The following NRXN1 variants were observed in gnomAD, a reference collection of about 807,000 sequenced individuals.
NRXN1 encodes neurexin 1.
Under a neutral mutation model 150.9 loss-of-function variants are expected in NRXN1, and 39 were observed. That is an observed-to-expected ratio of 0.26 (90% CI 0.20 to 0.34). The LOEUF (loss-of-function observed/expected upper bound fraction) is 0.34. Among genes scored for constraint, NRXN1 ranks in the 10% least tolerant of loss-of-function variants. The pLI, the probability that NRXN1 is intolerant of heterozygous loss-of-function variation, is 1.00. For synonymous variants in NRXN1, 924 were observed against 757.0 expected (o/e 1.22, Z -3.62); for missense variants, 1,815 against 1,949.9 (o/e 0.93, Z 1.30).
chr2:50,469,875 G>C (rs891160393), intron 16 of NRXN1, among the ~76,000 whole-genome samples: 4 of 150,994 alleles, frequency 2.6e-5, no homozygotes, highest in African/African-American at 9.7e-5. Flanking sequence ...ATAGTTTAAT[G>C]TGTAACTAAT....
intron 21 of NRXN1, among the ~76,000 whole-genome samples, chr2:50,021,490 A>G (rs1687560164): frequency 6.6e-6 from 1 of 152,202 alleles, no homozygotes; most frequent in Non-Finnish European, 1.5e-5. Flanking sequence ...TCTTTTGAAT[A>G]TCTCCTATGG....
At chr2:50,704,524 G>C (rs892179196) in intron 5 of NRXN1, among the ~76,000 whole-genome samples, 1 of 150,822 alleles carries the variant, frequency 6.6e-6, no homozygotes, top group African/African-American at 2.4e-5. Context: ...AAATTGAATT[G>C]ATAAATAATG....
chr2:50,514,701 CT>C (rs2092573816), intron 12 of NRXN1, among the ~76,000 whole-genome samples: 1 of 152,118 alleles, frequency 6.6e-6, no homozygotes, highest in South Asian at 2.1e-4. Context: ...TTCAGTAAAG[CT>C]TCATTAAAAC....
At chr2:50,889,567 C>T (rs1297521315) in intron 5 of NRXN1, among the ~76,000 whole-genome samples, 3 of 151,750 alleles carry the variant, frequency 2.0e-5, no homozygotes, top group Non-Finnish European at 3.0e-5. Context: ...TGTGGTATAA[C>T]GTGTACATTA....
chr2:50,100,193 T>C (rs372875926), intron 18 of NRXN1, among the ~76,000 whole-genome samples: 1 of 152,290 alleles, frequency 6.6e-6, no homozygotes, highest in East Asian at 1.9e-4. Context: ...GTATCAGTAA[T>C]CTGTGAAGCC....
intron 22 of NRXN1, among the ~76,000 whole-genome samples, chr2:49,933,783 GT>G (rs1168734590): frequency 5.9e-5 from 9 of 152,310 alleles, no homozygotes; most frequent in Middle Eastern, 3.4e-3. Flanking sequence ...CACACAGAAG[GT>G]ACTGAATCAG....
At chr2:50,412,339 A>T (rs1055702068) in intron 17 of NRXN1, among the ~76,000 whole-genome samples, 1 of 151,692 alleles carries the variant, frequency 6.6e-6, no homozygotes, top group South Asian at 2.1e-4. Flanking sequence ...AAAAATAAAA[A>T]AAATAATAAA....
At chr2:50,284,997 T>A (rs1019933307) in intron 17 of NRXN1, among the ~76,000 whole-genome samples, 7 of 152,304 alleles carry the variant, frequency 4.6e-5, no homozygotes, top group African/African-American at 1.4e-4. Flanking sequence ...AAACATTGAA[T>A]TAAATGTGAA....
chr2:50,086,242 TTAAA>T (rs763100072), intron 19 of NRXN1, among the ~76,000 whole-genome samples: 1 of 152,176 alleles, frequency 6.6e-6, no homozygotes, highest in East Asian at 1.9e-4. Context: ...ATAGAGTGAC[TTAAA>T]TAAATAATAA....
chr2:50,771,162 T>C (rs949321114), intron 5 of NRXN1, among the ~76,000 whole-genome samples: 3 of 152,038 alleles, frequency 2.0e-5, no homozygotes, highest in Admixed American at 2.0e-4. Flanking sequence ...GGAAGGATGA[T>C]GGTCATAGAT....
intron 18 of NRXN1, 78 bp downstream of exon 18, chr2:50,236,711 A>C (rs943333392): frequency 2.4e-5 from 34 of 1,404,882 alleles, no homozygotes; most frequent in Middle Eastern, 1.8e-4. Flanking sequence ...GGAAGCATCC[A>C]AGAAGCAAAA....
At chr2:50,126,923 A>G (rs577267975) in intron 18 of NRXN1, among the ~76,000 whole-genome samples, 11 of 152,152 alleles carry the variant, frequency 7.2e-5, no homozygotes, top group Non-Finnish European at 1.6e-4. Context: ...AAGGAAACTC[A>G]AGCTGCAATA....
chr2:50,984,303 T>C (rs1385806826), intron 2 of NRXN1, among the ~76,000 whole-genome samples: 1 of 151,690 alleles, frequency 6.6e-6, no homozygotes, highest in East Asian at 1.9e-4. Flanking sequence ...GGCTGCCCAG[T>C]CCTGTTTTTG....
intron 15 of NRXN1, among the ~76,000 whole-genome samples, chr2:50,483,478 A>C (rs774243322): frequency 2.4e-4 from 37 of 152,106 alleles, no homozygotes; most frequent in Non-Finnish European, 1.5e-4. Flanking sequence ...TTTCTTGCAC[A>C]AGGTTCAAGA....
At chr2:50,424,876 T>C (rs1367293973) in intron 17 of NRXN1, among the ~76,000 whole-genome samples, 1 of 152,206 alleles carries the variant, frequency 6.6e-6, no homozygotes, top group Non-Finnish European at 1.5e-5. Context: ...TATTTCGTAT[T>C]GCATAATATT....
intron 18 of NRXN1, among the ~76,000 whole-genome samples, chr2:50,091,848 G>A (rs971698289): frequency 6.6e-6 from 1 of 152,090 alleles, no homozygotes; most frequent in Non-Finnish European, 1.5e-5. Flanking sequence ...CAAGAAAAAC[G>A]GGGCTCCAAA....
At chr2:50,609,296 T>C (rs1677641744) in intron 8 of NRXN1, among the ~76,000 whole-genome samples, 1 of 152,036 alleles carries the variant, frequency 6.6e-6, no homozygotes, top group African/African-American at 2.4e-5. Flanking sequence ...AGCCCTCTGT[T>C]CAAAAGTTAT....
At chr2:50,155,429 G>C (rs1240565006) in intron 18 of NRXN1, among the ~76,000 whole-genome samples, 1 of 138,504 alleles carries the variant, frequency 7.2e-6, no homozygotes, top group African/African-American at 2.7e-5. Flanking sequence ...GAACAATTAA[G>C]AAAAAAAAAA....
intron 8 of NRXN1, among the ~76,000 whole-genome samples, chr2:50,555,178 T>G (rs1245424560): frequency 6.6e-6 from 1 of 152,180 alleles, no homozygotes; most frequent in African/African-American, 2.4e-5. Flanking sequence ...ACATAGATAT[T>G]GATCAAGAAT....
Sources: gnomAD v4.1 joint callset for allele counts (sites outside exome capture counted in the v4.1 genomes callset) on GRCh38, gnomAD v4.1.1 for gene constraint, MANE v1.5 for transcripts, NCBI Gene and HGNC (gene_info 2026-07-23, HGNC 2026-07-21) for gene names.